STAG3: variants seen among roughly 807,000 people sequenced by gnomAD.
STAG3 encodes the protein STAG3 cohesin complex component.
In STAG3, 101 loss-of-function variants were observed where a neutral mutation model predicts 160.7. The observed-to-expected ratio is 0.63, with a 90% confidence interval of 0.54 to 0.74. STAG3 has a LOEUF of 0.74. Ranked by LOEUF, STAG3 falls within the 30% of genes least tolerant of loss-of-function variation. The pLI, the probability that STAG3 is intolerant of heterozygous loss-of-function variation, is 0.00. For synonymous variants in STAG3, 519 were observed against 585.0 expected (o/e 0.89, Z 1.63); for missense variants, 1,188 against 1,517.4 (o/e 0.78, Z 3.61).
chr7:100,182,106 T>A lies in STAG3; in HGVS notation c.133T>A (p.Leu45Ile). ...TTCTCACAGGAATGGCGACTCTTTG[T>A]TAGCTGATGAAGACACTGACTTTGA... The part of the protein sequence containing the change: ...HTSEGNGDSL[L>I]ADEDTDFEDS... Residue 45 changes from leucine (L) to isoleucine (I), a missense_variant, in exon 3 of 34, where the codon TTA becomes ATA. Transcript: ENST00000615138. 1 of 1,613,836 alleles carries A rather than the reference T, an allele frequency of 6.2e-7. No individual in the cohort carries two copies. The highest frequency in any genetic ancestry group is 2.2e-5 in the East Asian group (1 of 44,880).
intron 9 of STAG3, 143 bp downstream of exon 9, chr7:100,195,525 C>G (rs1800628884): frequency 1.5e-6 from 1 of 683,278 alleles, no homozygotes; most frequent in African/African-American, 1.8e-5. Flanking sequence ...TTCTTGACAA[C>G]AAATGTTTCA....
chr7:100,201,938 T>C lies in STAG3; in HGVS notation c.2302-11T>C. On this transcript the variant is annotated splice_polypyrimidine_tract_variant and intron_variant, in intron 22 of 33. Coordinates refer to ENST00000615138, the MANE Select transcript of STAG3 (RefSeq NM_001282717.2). ...TCTTCATTCTTCCCCTTCAAGCCAC[T>C]GTGCCCACAGAAGCAGCTGTCGAGT... 1 of 1,614,202 alleles carries C rather than the reference T, an allele frequency of 6.2e-7. No homozygotes were observed.
chr7:100,205,462 T>C, intron 29 of STAG3, 78 bp downstream of exon 29: 1 of 1,339,490 alleles, frequency 7.5e-7, no homozygotes, highest in South Asian at 1.5e-5. Context: ...GTCAAGTATT[T>C]CATTGAGCAT....
At chr7:100,187,759 C>CTTT (rs57544965) in intron 5 of STAG3, among the ~76,000 whole-genome samples, 3 of 136,774 alleles carry the variant, frequency 2.2e-5, no homozygotes, top group African/African-American at 2.7e-5. Flanking sequence ...CCTGCATCAT[C>CTTT]TTTTTTTTTT....
chr7:100,178,335 C>T (rs571208342), intron 1 of STAG3, among the ~76,000 whole-genome samples: 2 of 152,302 alleles, frequency 1.3e-5, no homozygotes, highest in East Asian at 1.9e-4. Context: ...GCCCTATTCT[C>T]ATGGCGCCTC....
chr7:100,181,797 A>G (rs1225993678), intron 2 of STAG3, among the ~76,000 whole-genome samples: 2 of 150,144 alleles, frequency 1.3e-5, no homozygotes, highest in Non-Finnish European at 3.0e-5. Flanking sequence ...GCTACTCGGG[A>G]GGCTGAGGTA....
chr7:100,188,342 C>T, intron 5 of STAG3, 111 bp from the exon 6 acceptor site: 2 of 811,142 alleles, frequency 2.5e-6, no homozygotes, highest in South Asian at 2.7e-5. Flanking sequence ...TTCTCATTCC[C>T]CACCTAAGCT....
At chr7:100,216,949 G>C (rs1286365810), downstream of STAG3, among the ~76,000 whole-genome samples, 1 of 152,050 alleles carries the variant, frequency 6.6e-6, no homozygotes. Flanking sequence ...CAGGTCAGAG[G>C]ATGATTTCCC....
intron 31 of STAG3, 31 bp from the exon 32 acceptor site, chr7:100,211,764 T>G: frequency 6.2e-7 from 1 of 1,611,170 alleles, no homozygotes; most frequent in Non-Finnish European, 8.5e-7. Flanking sequence ...AAGAACAGTT[T>G]GAAAAGCCAG....
chr7:100,186,197 T>C lies in STAG3; in HGVS notation c.337-3T>C. ...AGAAGTCATCTACATTTTTTTTCCCTAGTCTTTGGTAGATGAGTGGCTGGA... is the reference window on the plus strand; with the variant it reads ...AGAAGTCATCTACATTTTTTTTCCCCAGTCTTTGGTAGATGAGTGGCTGGA... On this transcript the variant is annotated splice_region_variant and splice_polypyrimidine_tract_variant and intron_variant, in intron 4 of 33. Transcript: ENST00000615138. 1.2e-6 allele frequency: 2 copies of C among 1,613,194 alleles called. No homozygotes were observed. The highest frequency in any genetic ancestry group is 2.2e-5 in the South Asian group (2 of 90,960).
chr7:100,203,254 G>A (rs1801310343), intron 25 of STAG3, among the ~76,000 whole-genome samples: 2 of 150,570 alleles, frequency 1.3e-5, no homozygotes, highest in East Asian at 1.9e-4. Context: ...GCACTATCTC[G>A]GCTCACTGCA....
At position 100,207,855 on chromosome 7, in the gene STAG3, G is replaced by A. The variant is rs1200039358; in HGVS notation, c.3238+2471G>A. Among the ~76,000 whole-genome samples the A allele has an allele frequency of 6.6e-6, 1 of 152,126 alleles. No individual in the cohort carries two copies. The highest frequency in any genetic ancestry group is 1.5e-5 in the Non-Finnish European group (1 of 68,024). ...GTTTTAGCCGGGCATGGTGGCTCAC[G>A]CCTGTAATCCCAGCACTTTGGGAGG... On this transcript the variant is annotated intron_variant, in intron 29 of 33. Coordinates refer to ENST00000615138, the MANE Select transcript of STAG3 (RefSeq NM_001282717.2). The surrounding 1 kb of genome is among the most constrained non-coding windows in gnomAD (Gnocchi z 4.0).
At chr7:100,190,763 CAA>C (rs1328927743) in intron 8 of STAG3, among the ~76,000 whole-genome samples, 1 of 152,062 alleles carries the variant, frequency 6.6e-6, no homozygotes, top group Admixed American at 6.6e-5. Flanking sequence ...CCTTAATGTC[CAA>C]CTAACTGAAT....
chr7:100,184,463 G>GGTTTTTTTT lies in STAG3; in HGVS notation c.336+1624_336+1625insGTTTTTTTT, dbSNP rs71126310. On this transcript the variant is annotated intron_variant, in intron 4 of 33. Coordinates refer to ENST00000615138, the MANE Select transcript of STAG3 (RefSeq NM_001282717.2). ...TTATATGCAGTTGTACAGCGTGTTAGTTTTTTTTTTTTTTTTTTTTTTTGA... is the reference window on the plus strand; with the variant it reads ...TTATATGCAGTTGTACAGCGTGTTAGGTTTTTTTTTTTTTTTTTTTTTTTTTTTTTTTGA... 9.5e-4 allele frequency among the ~76,000 whole-genome samples: 94 copies of GGTTTTTTTT among 98,588 alleles called. 7 individuals are homozygous for GGTTTTTTTT. Among genetic ancestry groups the GGTTTTTTTT allele is most frequent in the African/African-American group, 1.9e-3 (48 of 25,346 alleles). 64.7% of individuals were successfully genotyped at this position (98,588 alleles called of 152,430 possible). A position where few individuals can be genotyped will look rare whatever the true frequency, so the allele number is the denominator to read the frequency against.
chr7:100,178,885 G>A (rs1799450121), intron 1 of STAG3, among the ~76,000 whole-genome samples: 1 of 150,806 alleles, frequency 6.6e-6, no homozygotes, highest in African/African-American at 2.4e-5. Context: ...CTGGAGTGCA[G>A]TGGTGCAGTC....
intron 13 of STAG3, 42 bp downstream of exon 13, chr7:100,198,624 C>T (rs375658212): frequency 1.3e-5 from 21 of 1,569,624 alleles, no homozygotes; most frequent in African/African-American, 4.1e-5. Context: ...ACCACGCTCT[C>T]GGTTTCTCTC....
chr7:100,213,245 A>T, intron 32 of STAG3: 2 of 976,608 alleles, frequency 2.0e-6, no homozygotes, highest in Non-Finnish European at 2.5e-6. Flanking sequence ...CCCACTTCCA[A>T]ACAGCATCAC....
At chr7:100,185,426 C>T (rs1799929148) in intron 4 of STAG3, among the ~76,000 whole-genome samples, 1 of 151,896 alleles carries the variant, frequency 6.6e-6, no homozygotes, top group African/African-American at 2.4e-5. Flanking sequence ...GAAACCCTGT[C>T]TCTACTAAAA....
intron 5 of STAG3, among the ~76,000 whole-genome samples, chr7:100,187,970 C>A (rs1357454209): frequency 6.6e-6 from 1 of 152,100 alleles, no homozygotes; most frequent in Non-Finnish European, 1.5e-5. Context: ...GTTGGCCAGG[C>A]TGGTCTCGAA....
Sources: allele counts gnomAD v4.1 joint callset (sites outside exome capture counted in the v4.1 genomes callset), GRCh38; gene constraint gnomAD v4.1.1; non-coding constraint Gnocchi (gnomAD v3.1); transcripts MANE v1.5; gene names NCBI Gene and HGNC (gene_info 2026-07-23, HGNC 2026-07-21).